The following CNKSR3 variants were observed in gnomAD, a reference collection of about 807,000 sequenced individuals.
CNKSR3 encodes connector enhancer of kinase suppressor of ras 3.
A neutral mutation model predicts 67.7 loss-of-function variants in CNKSR3; 36 were observed. That is an observed-to-expected ratio of 0.53 (90% CI 0.41 to 0.70). The LOEUF is 0.70. Among genes scored for constraint, CNKSR3 ranks in the 30% least tolerant of loss-of-function variants. The pLI, the probability that CNKSR3 is intolerant of heterozygous loss-of-function variation, is 0.00. For missense variants in CNKSR3, 630 were observed against 695.2 expected (o/e 0.91, Z 1.05); for synonymous variants, 281 against 271.4 (o/e 1.04, Z -0.35).
chr6:154,456,793 C>T (rs1458256038), intron 1 of CNKSR3, among the ~76,000 whole-genome samples: 1 of 150,348 alleles, frequency 6.7e-6, no homozygotes, highest in Non-Finnish European at 1.5e-5. Flanking sequence ...TGCTCTTCCA[C>T]GAGGAGAATC....
At chr6:154,506,792 A>G (rs1473098985) in intron 1 of CNKSR3, among the ~76,000 whole-genome samples, 1 of 152,274 alleles carries the variant, frequency 6.6e-6, no homozygotes, top group Non-Finnish European at 1.5e-5. Flanking sequence ...GCCATGAACT[A>G]GGAATTAATT....
chr6:154,448,264 T>C (rs75685174), intron 2 of CNKSR3, among the ~76,000 whole-genome samples: 6,637 of 151,842 alleles, frequency 0.044, 290 homozygotes, highest in East Asian at 0.19. Flanking sequence ...ATGTGATGCG[T>C]CTCTAGCTGA....
At chr6:154,447,021 G>T (rs1785721087) in intron 2 of CNKSR3, among the ~76,000 whole-genome samples, 1 of 151,994 alleles carries the variant, frequency 6.6e-6, no homozygotes, top group Non-Finnish European at 1.5e-5. Context: ...AGCCAGGATG[G>T]TCTCGATATC....
At chr6:154,471,500 A>G (rs1329066007) in intron 1 of CNKSR3, among the ~76,000 whole-genome samples, 1 of 152,200 alleles carries the variant, frequency 6.6e-6, no homozygotes, top group Non-Finnish European at 1.5e-5. Flanking sequence ...AGATCGCATC[A>G]TTGCACTCCA....
Position 154,414,428 on chromosome 6 carries a change from A to G in CNKSR3, c.946-5T>C. On this transcript the variant is annotated splice_region_variant and splice_polypyrimidine_tract_variant and intron_variant, in intron 9 of 12. Coordinates refer to ENST00000607772, the MANE Select transcript of CNKSR3 (RefSeq NM_173515.4). The stretch of plus-strand genomic sequence containing the variant: ...TGTCGCGGGTGGAGGTGAGGTCTGA[A>G]ACAGGAGTAACACAGCAATGCAAAG... The G allele has an allele frequency of 1.3e-6, 2 of 1,580,448 alleles. No homozygotes were observed. Among genetic ancestry groups the G allele is most frequent in the Non-Finnish European group, 1.7e-6 (2 of 1,166,786 alleles).
chr6:154,433,385 A>G, intron 5 of CNKSR3, 81 bp downstream of exon 5: 1 of 916,124 alleles, frequency 1.1e-6, no homozygotes, highest in South Asian at 1.4e-5. Context: ...TGAAGTAATT[A>G]GCCACAGGGC....
intron 4 of CNKSR3, among the ~76,000 whole-genome samples, chr6:154,436,532 T>C (rs1785475825): frequency 6.6e-6 from 1 of 152,190 alleles, no homozygotes. Context: ...TTTTTTGTTG[T>C]TGTTAAGATA....
chr6:154,489,638 G>C (rs1786746789), intron 1 of CNKSR3, among the ~76,000 whole-genome samples: 1 of 152,168 alleles, frequency 6.6e-6, no homozygotes, highest in African/African-American at 2.4e-5. Context: ...GGGATGAGGA[G>C]TGTTCTGTTG....
At chr6:154,459,578 A>C (rs1487329004) in intron 1 of CNKSR3, among the ~76,000 whole-genome samples, 1 of 152,232 alleles carries the variant, frequency 6.6e-6, no homozygotes, top group African/African-American at 2.4e-5. Context: ...ACAAAAGGCA[A>C]AAACAGGTGG....
At chr6:154,443,121 C>T (rs1785637155) in intron 2 of CNKSR3, among the ~76,000 whole-genome samples, 1 of 152,038 alleles carries the variant, frequency 6.6e-6, no homozygotes, top group Non-Finnish European at 1.5e-5. Context: ...TGGTCTCGAA[C>T]TTGTGAGCTC....
At chr6:154,453,896 C>G (rs1785891572) in intron 1 of CNKSR3, among the ~76,000 whole-genome samples, 1 of 152,020 alleles carries the variant, frequency 6.6e-6, no homozygotes, top group Non-Finnish European at 1.5e-5. Flanking sequence ...AAGAGAAACA[C>G]ACAATTCAGT....
At chr6:154,476,814 T>A (rs1786462361) in intron 1 of CNKSR3, among the ~76,000 whole-genome samples, 1 of 152,190 alleles carries the variant, frequency 6.6e-6, no homozygotes, top group Non-Finnish European at 1.5e-5. Context: ...AGTTAAAAAT[T>A]TATTTTAGAA....
intron 1 of CNKSR3, among the ~76,000 whole-genome samples, chr6:154,499,319 G>C (rs937501570): frequency 2.0e-5 from 3 of 152,178 alleles, no homozygotes; most frequent in Non-Finnish European, 2.9e-5. Flanking sequence ...TATTTCCATA[G>C]AGTCCACATG....
At position 154,505,831 on chromosome 6, in the gene CNKSR3, G is replaced by C. The variant is rs146292531; in HGVS notation, c.52+4232C>G. Among the ~76,000 whole-genome samples, 533 of 152,186 alleles carry C rather than the reference G, an allele frequency of 3.5e-3. 3 individuals are homozygous for C. The highest frequency in any genetic ancestry group is 0.012 in the African/African-American group (502 of 41,512). On this transcript the variant is annotated intron_variant, in intron 1 of 12. Coordinates refer to ENST00000607772, the MANE Select transcript of CNKSR3 (RefSeq NM_173515.4). ...ACAATTGTTGAGAGCCTACCCACTC[G>C]AGGCTGATCAACAGCCAAGGCTAGG...
At chr6:154,428,940 T>A (rs1240911598) in intron 6 of CNKSR3, among the ~76,000 whole-genome samples, 2 of 152,156 alleles carry the variant, frequency 1.3e-5, no homozygotes, top group African/African-American at 4.8e-5. Context: ...GACAAAGATA[T>A]ATGAACAAAG....
chr6:154,482,898 G>C (rs1336959530), intron 1 of CNKSR3, among the ~76,000 whole-genome samples: 1 of 152,174 alleles, frequency 6.6e-6, no homozygotes, highest in East Asian at 1.9e-4. Flanking sequence ...TGTTTAATCA[G>C]AGATGATTTT....
At chr6:154,429,508 C>G (rs1785321805) in intron 6 of CNKSR3, among the ~76,000 whole-genome samples, 1 of 152,192 alleles carries the variant, frequency 6.6e-6, no homozygotes, top group Non-Finnish European at 1.5e-5. Context: ...TGACTATAAA[C>G]CTACCTCCAG....
intron 1 of CNKSR3, among the ~76,000 whole-genome samples, chr6:154,471,171 T>G (rs1051778972): frequency 6.6e-6 from 1 of 152,366 alleles, no homozygotes; most frequent in Non-Finnish European, 1.5e-5. Context: ...CTGAGTGTCA[T>G]TTCTACTTAT....
chr6:154,424,101 G>A (rs977075793), intron 7 of CNKSR3, among the ~76,000 whole-genome samples: 3 of 151,952 alleles, frequency 2.0e-5, no homozygotes, highest in Non-Finnish European at 4.4e-5. Context: ...GCATGGTGGC[G>A]GGCGCCTGTA....
Sources: allele counts gnomAD v4.1 joint callset (sites outside exome capture counted in the v4.1 genomes callset), GRCh38; gene constraint gnomAD v4.1.1; transcripts MANE v1.5; gene names NCBI Gene and HGNC (gene_info 2026-07-23, HGNC 2026-07-21).